SLC22A2: variants seen among roughly 807,000 people sequenced by gnomAD.
SLC22A2 encodes the protein solute carrier family 22 member 2.
SLC22A2 carries 46 observed loss-of-function variants against 60.5 expected under a neutral mutation model. That is an observed-to-expected ratio of 0.76 (90% CI 0.60 to 0.97). SLC22A2 has a LOEUF of 0.97. SLC22A2 is among the 50% of genes least tolerant of loss of function. SLC22A2 has a pLI of 0.00. For missense variants in SLC22A2, 701 were observed against 706.6 expected, an observed-to-expected ratio of 0.99 and a Z score of 0.09; for synonymous variants, 303 against 267.0, an observed-to-expected ratio of 1.13 and a Z score of -1.31.
chr6:160,245,190 T>G (rs547648969), intron 6 of SLC22A2: 7 of 273,846 alleles, frequency 2.6e-5, no homozygotes, highest in Admixed American at 5.3e-5. Flanking sequence ...TTTGGTATTT[T>G]GTAAGCTCCC....
intron 6 of SLC22A2, chr6:160,244,902 T>G (rs1260155704): frequency 2.0e-5 from 3 of 152,206 alleles, no homozygotes; most frequent in Admixed American, 6.5e-5. Context: ...CACTGGGCTG[T>G]GAAGCCACTG....
At chr6:160,245,855 GC>G (rs1783086359) in intron 5 of SLC22A2, among the ~76,000 whole-genome samples, 1 of 145,652 alleles carries the variant, frequency 6.9e-6, no homozygotes, top group South Asian at 2.1e-4. Context: ...GCACCACAAT[GC>G]CCAGCTTTTT....
At chr6:160,233,774 G>A (rs1782864075) in intron 9 of SLC22A2, among the ~76,000 whole-genome samples, 1 of 151,634 alleles carries the variant, frequency 6.6e-6, no homozygotes, top group African/African-American at 2.4e-5. Context: ...TCCCACTCTA[G>A]GTTCCCACGC....
In SLC22A2 at chr6:160,249,286, C is replaced by G. The variant is rs762880984; in HGVS notation, c.772G>C (p.Ala258Pro). 3.1e-6 allele frequency: 5 copies of G among 1,613,020 alleles called. No homozygotes were observed. Among genetic ancestry groups the G allele is most frequent in the South Asian group, 1.1e-5 (1 of 91,014 alleles). Residue 258 changes from alanine (A) to proline (P), a missense_variant, in exon 4 of 11, where the codon GCA becomes CCA. By Grantham distance (27) the Ala-to-Pro change is conservative. Coordinates refer to ENST00000366953, the MANE Select transcript of SLC22A2 (RefSeq NM_003058.4). ...TGCAACCACCTCCAGTGAGGAAGTG[C>G]GTAAGCCACCCCAGCTAGCACCAGG... ...GLLVLAGVAY[A>P]LPHWRWLQFT...
chr6:160,257,565 A>T (rs1272644132), intron 1 of SLC22A2, among the ~76,000 whole-genome samples: 1 of 152,050 alleles, frequency 6.6e-6, no homozygotes, highest in Non-Finnish European at 1.5e-5. Flanking sequence ...TTTCCTGTAA[A>T]TATCTGACCA....
At chr6:160,255,698 T>G (rs1783259025) in intron 2 of SLC22A2, among the ~76,000 whole-genome samples, 1 of 152,202 alleles carries the variant, frequency 6.6e-6, no homozygotes, top group Admixed American at 6.5e-5. Context: ...CCCACAATGT[T>G]GAACACAGTG....
In SLC22A2 at chr6:160,250,548, T is replaced by A. The variant is rs779814600; in HGVS notation, c.673A>T (p.Ile225Phe). 1.2e-6 allele frequency: 2 copies of A among 1,613,896 alleles called. No individual in the cohort carries two copies. The highest frequency in any genetic ancestry group is 1.7e-6 in the Non-Finnish European group (2 of 1,179,918). The change falls in exon 3 of 11, where the codon ATT becomes TTT. Residue 225 changes from isoleucine (I) to phenylalanine (F), a missense_variant and splice_region_variant. Transcript: ENST00000366953. The part of the protein sequence containing the change: ...KAGWLIGYIL[I>F]TEFVGRRYRR... ...CAGTTGCAAGCACAAACATTCTTAC[T>A]CAGGATGTAGCCTATTAACCAGCCT...
intron 10 of SLC22A2, 70 bp downstream of exon 10, chr6:160,224,634 CT>C: frequency 1.2e-6 from 1 of 831,230 alleles, no homozygotes. Context: ...CAATTTAATT[CT>C]TTCCAAATGG....
At chr6:160,218,889 C>CATCACAATT (rs1782589758) in intron 10 of SLC22A2, among the ~76,000 whole-genome samples, 1 of 4,922 alleles carries the variant, frequency 2.0e-4, no homozygotes, top group African/African-American at 7.9e-4. Context: ...TCAGCAGTAG[C>CATCACAATT]AACAACAGAA....
intron 9 of SLC22A2, among the ~76,000 whole-genome samples, chr6:160,230,337 T>C (rs910082981): frequency 1.3e-5 from 2 of 151,920 alleles, no homozygotes; most frequent in Non-Finnish European, 2.9e-5. Context: ...TGTTCCTTTT[T>C]CTTTATCTGA....
intron 9 of SLC22A2, among the ~76,000 whole-genome samples, chr6:160,229,232 C>A (rs1782778464): frequency 6.6e-6 from 1 of 151,916 alleles, no homozygotes; most frequent in South Asian, 2.1e-4. Flanking sequence ...TCTCCAACCT[C>A]TCTCACTATC....
Position 160,245,565 on chromosome 6 carries a change from G to A in SLC22A2, c.958-20C>T. The A allele has an allele frequency of 6.6e-7, 1 of 1,506,816 alleles. No individual in the cohort carries two copies. The highest frequency in any genetic ancestry group is 2.3e-5 in the East Asian group (1 of 44,208). The allele number at this position is 1,506,816 out of a possible 1,614,324, so 93.3% of individuals were successfully genotyped here. ...CAGGCGCTAAGAAAAGGAATAGAAAGGACGGCTTTGTATATTTAATGCTAG... is the reference window on the plus strand; with the variant it reads ...CAGGCGCTAAGAAAAGGAATAGAAAAGACGGCTTTGTATATTTAATGCTAG... On this transcript the variant is annotated intron_variant, in intron 5 of 10. Coordinates refer to ENST00000366953, the MANE Select transcript of SLC22A2 (RefSeq NM_003058.4).
intron 10 of SLC22A2, among the ~76,000 whole-genome samples, chr6:160,221,229 G>C (rs1461226664): frequency 6.6e-6 from 1 of 152,212 alleles, no homozygotes; most frequent in Non-Finnish European, 1.5e-5. Flanking sequence ...TCAAGTTATG[G>C]AGATGGCTTC....
At chr6:160,247,842 G>T (rs1263838811) in intron 4 of SLC22A2, among the ~76,000 whole-genome samples, 3 of 152,166 alleles carry the variant, frequency 2.0e-5, no homozygotes, top group African/African-American at 7.2e-5. Context: ...AGGGAACTCT[G>T]AGCAGCTGGG....
chr6:160,243,097 T>C (rs1783036567), intron 7 of SLC22A2, among the ~76,000 whole-genome samples: 3 of 152,202 alleles, frequency 2.0e-5, no homozygotes, highest in Admixed American at 2.0e-4. Context: ...AAAAGGATTC[T>C]CTTATCCAGG....
chr6:160,230,731 G>T (rs1583392527), intron 9 of SLC22A2, among the ~76,000 whole-genome samples: 1 of 151,902 alleles, frequency 6.6e-6, no homozygotes, highest in Non-Finnish European at 1.5e-5. Context: ...GCTGCCAGGG[G>T]TTCCTCCAGA....
chr6:160,258,271 CTT>C, intron 1 of SLC22A2, 71 bp downstream of exon 1: 1 of 1,500,724 alleles, frequency 6.7e-7, no homozygotes, highest in Non-Finnish European at 8.9e-7. Context: ...AGAGCCGGGC[CTT>C]CCCTGCTTGC....
intron 10 of SLC22A2, among the ~76,000 whole-genome samples, chr6:160,222,737 C>T (rs1782662187): frequency 1.3e-5 from 2 of 152,178 alleles, no homozygotes; most frequent in Non-Finnish European, 2.9e-5. Flanking sequence ...CAATAGGAAA[C>T]AGTGGGGACT....
chr6:160,232,364 T>G (rs1782838765), intron 9 of SLC22A2, among the ~76,000 whole-genome samples: 1 of 151,898 alleles, frequency 6.6e-6, no homozygotes, highest in Non-Finnish European at 1.5e-5. Context: ...CTATAGTATC[T>G]TCCACATCTA....
Sources: gnomAD v4.1 joint callset for allele counts (sites outside exome capture counted in the v4.1 genomes callset) on GRCh38, gnomAD v4.1.1 for gene constraint, MANE v1.5 for transcripts, NCBI Gene and HGNC (gene_info 2026-07-23, HGNC 2026-07-21) for gene names.